The following CASKIN1 variants were observed in gnomAD, a reference collection of about 807,000 sequenced individuals.
CASKIN1 encodes caskin-1.
In CASKIN1, 42 loss-of-function variants were observed where a neutral mutation model predicts 117.5. The observed-to-expected ratio is 0.36, with a 90% CI of 0.28 to 0.46. CASKIN1 has a LOEUF of 0.46. Ranked by LOEUF, CASKIN1 falls within the 20% of genes least tolerant of loss-of-function variation. CASKIN1 has a pLI of 1.00. For synonymous variants in CASKIN1, 1,148 were observed against 961.7 expected, an observed-to-expected ratio of 1.19 and a Z score of -3.59; for missense variants, 2,083 against 2,077.3, an observed-to-expected ratio of 1.00 and a Z score of -0.05.
Position 2,179,435 on chromosome 16 carries a change from C to T in CASKIN1, c.3776-110G>A. On this transcript the variant is annotated intron_variant, in intron 18 of 19. Transcript: ENST00000343516. This position sits in a 1 kb window ranked among gnomAD's most constrained non-coding sequence, Gnocchi z 5.8. The stretch of plus-strand genomic sequence containing the variant: ...AGCGGACCGGGAAAGACCCTGCTCA[C>T]CTTGCCCCCAGCCCTGGATGGATGA... 3 of 1,363,320 alleles carry T rather than the reference C, an allele frequency of 2.2e-6. 1 individual carries two copies. Among genetic ancestry groups the T allele is most frequent in the South Asian group, 3.7e-5 (2 of 53,924 alleles). The allele number at this position is 1,363,320 out of a possible 1,614,324, so 84.5% of individuals were successfully genotyped here. A position where few individuals can be genotyped will look rare whatever the true frequency, so the allele number is the denominator to read the frequency against.
intron 6 of CASKIN1, chr16:2,188,769 TC>T: frequency 2.1e-6 from 1 of 478,948 alleles, no homozygotes; most frequent in Non-Finnish European, 3.7e-6. Flanking sequence ...AAAGTGAGGC[TC>T]AGGGAAGTTC....
intron 16 of CASKIN1, 78 bp downstream of exon 16, chr16:2,183,567 TG>T: frequency 7.0e-7 from 1 of 1,430,406 alleles, no homozygotes. Flanking sequence ...GTGGGAGTTG[TG>T]GCCAGGGAGG....
At chr16:2,178,687 G>A (rs778897601) in intron 19 of CASKIN1, 41 bp from the exon 20 acceptor site, 17 of 1,534,952 alleles carry the variant, frequency 1.1e-5, no homozygotes, top group African/African-American at 9.9e-5. Context: ...GGCGGGGCGG[G>A]TCTGGCCACG....
At chr16:2,184,125 G>A (rs547336174) in intron 14 of CASKIN1, among the ~76,000 whole-genome samples, 184 bp from the exon 15 acceptor site, 38 of 148,180 alleles carry the variant, frequency 2.6e-4, no homozygotes, top group African/African-American at 7.4e-4. Flanking sequence ...TCCCGGAGGC[G>A]CCTCCTGGAG....
At chr16:2,193,426 C>A (rs1427690322) in intron 1 of CASKIN1, among the ~76,000 whole-genome samples, 4 of 152,240 alleles carry the variant, frequency 2.6e-5, no homozygotes, top group African/African-American at 9.6e-5. Context: ...AAAGGGAGCG[C>A]AGGTGTCACT....
At chr16:2,190,791 G>A (rs941686704) in intron 1 of CASKIN1, among the ~76,000 whole-genome samples, 2 of 152,130 alleles carry the variant, frequency 1.3e-5, no homozygotes, top group East Asian at 1.9e-4. Flanking sequence ...GGGTGGCCAG[G>A]GAGGCTGGAA....
rs887263330 is a variant in CASKIN1 at position 2,182,562 on chromosome 16, C to T, written c.1630-633G>A. On this transcript the variant is annotated intron_variant, in intron 16 of 19. Coordinates refer to ENST00000343516, the MANE Select transcript of CASKIN1 (RefSeq NM_020764.4). The surrounding 1 kb of genome is among the most constrained non-coding windows in gnomAD (Gnocchi z 4.1). ...CCACCCCCAGGTGCGCGGCAAGGCC[C>T]GTGGGACCCGGACCTGACCCCTAGG... is the stretch of plus-strand genomic sequence containing the variant. Among the ~76,000 whole-genome samples, 2 of 152,194 alleles carry T rather than the reference C, an allele frequency of 1.3e-5. No individual in the cohort carries two copies. The highest frequency in any genetic ancestry group is 2.4e-5 in the African/African-American group (1 of 41,446).
At chr16:2,178,724 T>G (rs1281424294) in intron 19 of CASKIN1, 78 bp from the exon 20 acceptor site, 10 of 1,377,242 alleles carry the variant, frequency 7.3e-6, no homozygotes, top group South Asian at 1.4e-5. Context: ...CACGCCCACG[T>G]CCCGCATCTC....
chr16:2,185,737 A>G (rs2093182364), intron 10 of CASKIN1, among the ~76,000 whole-genome samples: 1 of 152,148 alleles, frequency 6.6e-6, no homozygotes, highest in African/African-American at 2.4e-5. Context: ...CAAGGCTCCC[A>G]CTCAGGAGCT....
Position 2,186,823 on chromosome 16 carries a change from A to G in CASKIN1, c.932T>C (p.Val311Ala). Reference sequence around the variant, plus strand: ...CCGGCCATCCGGATGCTGCTCGAGGACCTGGCCAGTAAGGTGGGGGGCGCT... The same window carrying G: ...CCGGCCATCCGGATGCTGCTCGAGGGCCTGGCCAGTAAGGTGGGGGGCGCT... ...LNVKAGDIIT[V>A]LEQHPDGRWK... Residue 311 changes from valine (V) to alanine (A), a missense_variant and splice_region_variant, in exon 10 of 20, where the codon GTC becomes GCC. Val to Ala is a moderately conservative substitution (Grantham distance 64, BLOSUM62 0). Transcript: ENST00000343516. The G allele has an allele frequency of 6.2e-7, 1 of 1,612,834 alleles. No homozygotes were observed. Among genetic ancestry groups the G allele is most frequent in the Non-Finnish European group, 8.5e-7 (1 of 1,179,862 alleles).
Position 2,188,243 on chromosome 16 carries a change from G to A in CASKIN1, c.618-782C>T, listed in dbSNP as rs565276899. ...TCTCTGTCACCCAGGCTGGAATGCA[G>A]TGGCACCATCCTGGCTCACTGCAGC... is the stretch of plus-strand genomic sequence containing the variant. On this transcript the variant is annotated intron_variant, in intron 6 of 19. Coordinates refer to ENST00000343516, the MANE Select transcript of CASKIN1 (RefSeq NM_020764.4). Among the ~76,000 whole-genome samples the A allele has an allele frequency of 4.6e-5, 7 of 151,812 alleles. No homozygotes were observed. In the East Asian group the frequency reaches 1.4e-3, roughly 30 times the overall value.
At chr16:2,184,047 C>G in intron 14 of CASKIN1, 106 bp from the exon 15 acceptor site, 1 of 699,124 alleles carries the variant, frequency 1.4e-6, no homozygotes, top group East Asian at 2.8e-5. Context: ...CCACTGCGTC[C>G]GCCGTCCGCT....
chr16:2,181,818 G>A lies in CASKIN1; in HGVS notation c.1741C>T (p.Leu581=), dbSNP rs2093169292. ...DFITDITWED[L]QEIGITKLGH... is the part of the protein sequence containing the mutation. ...AGCTTGGTGATGCCGATCTCCTGCA[G>A]GTCCTCCCAGGTGATGTCGGTGATG... The change falls in exon 17 of 20, where the codon CTG becomes TTG. Residue 581 remains leucine, a synonymous_variant. Coordinates refer to ENST00000343516, the MANE Select transcript of CASKIN1 (RefSeq NM_020764.4). 6 of 1,613,642 alleles carry A rather than the reference G, an allele frequency of 3.7e-6. No individual in the cohort carries two copies. The highest frequency in any genetic ancestry group is 1.3e-5 in the African/African-American group (1 of 75,030).
Position 2,177,816 on chromosome 16 carries a change from G to A in CASKIN1, c.*734C>T, listed in dbSNP as rs1456757109. ...CAAGGCACAACCTCGAGTTCTTGGG[G>A]CGCAGAGAACTTAGGAGAGAAGCAC... On this transcript the variant is annotated 3_prime_UTR_variant, in exon 20 of 20. Transcript: ENST00000343516. The A allele has an allele frequency of 1.2e-5, 3 of 245,426 alleles. No individual in the cohort carries two copies. Among genetic ancestry groups the A allele is most frequent in the African/African-American group, 4.4e-5 (2 of 45,084 alleles). The allele number at this position is 245,426 out of a possible 1,614,324, so 15.2% of individuals were successfully genotyped here. A position where few individuals can be genotyped will look rare whatever the true frequency, so the allele number is the denominator to read the frequency against.
rs566626739 is a variant in CASKIN1, at chr16:2,182,760, C to G, written c.1630-831G>C. Among the ~76,000 whole-genome samples the G allele has an allele frequency of 6.6e-6, 1 of 152,326 alleles. No individual in the cohort carries two copies. Among genetic ancestry groups the G allele is most frequent in the South Asian group, 2.1e-4 (1 of 4,830 alleles). ...GGCCTGGGCCCACCTTCTTCAGGCC[C>G]GGAACCCATCCCACTGCACAGGCAC... On this transcript the variant is annotated intron_variant, in intron 16 of 19. Coordinates refer to ENST00000343516, the MANE Select transcript of CASKIN1 (RefSeq NM_020764.4). This position sits in a 1 kb window ranked among gnomAD's most constrained non-coding sequence, Gnocchi z 4.1.
Position 2,181,114 on chromosome 16 carries a change from T to C in CASKIN1, c.2254A>G (p.Lys752Glu). 1 of 1,482,838 alleles carries C rather than the reference T, an allele frequency of 6.7e-7. No homozygotes were observed. Among genetic ancestry groups the C allele is most frequent in the Non-Finnish European group, 8.9e-7 (1 of 1,125,068 alleles). 91.9% of individuals were successfully genotyped at this position (1,482,838 alleles called of 1,614,324 possible). A position where few individuals can be genotyped will look rare whatever the true frequency, so the allele number is the denominator to read the frequency against. Residue 752 changes from lysine (K) to glutamate (E), a missense_variant, in exon 18 of 20, where the codon AAG becomes GAG. Physicochemically the swap from Lys to Glu is moderately conservative, Grantham distance 56. Coordinates refer to ENST00000343516, the MANE Select transcript of CASKIN1 (RefSeq NM_020764.4). ...ARPGRHGHSI[K>E]RASVPPVPGK... Reference sequence around the variant, plus strand: ...GGCACGGGGGGCACGCTGGCCCTCTTGATGCTGTGGCCGTGGCGGCCGGGC... The same window carrying C: ...GGCACGGGGGGCACGCTGGCCCTCTCGATGCTGTGGCCGTGGCGGCCGGGC...
intron 16 of CASKIN1, among the ~76,000 whole-genome samples, chr16:2,183,038 CG>C (rs2093172931): frequency 6.6e-6 from 1 of 152,212 alleles, no homozygotes; most frequent in Non-Finnish European, 1.5e-5. Context: ...CCACCTACCT[CG>C]GCCTCCCAAA....
At chr16:2,188,219 C>G (rs930993411) in intron 6 of CASKIN1, among the ~76,000 whole-genome samples, 8 of 151,648 alleles carry the variant, frequency 5.3e-5, no homozygotes, top group Non-Finnish European at 1.0e-4. Flanking sequence ...TGGGGTCTCT[C>G]TCTGTCACCC....
At chr16:2,178,782 C>T (rs2093154476) in intron 19 of CASKIN1, 120 bp downstream of exon 19, 2 of 1,325,422 alleles carry the variant, frequency 1.5e-6, no homozygotes, top group African/African-American at 1.6e-5. Flanking sequence ...GCCCCGCTCA[C>T]GGCACGCCCA....
Sources: gnomAD v4.1 joint callset for allele counts (sites outside exome capture counted in the v4.1 genomes callset) on GRCh38, gnomAD v4.1.1 for gene constraint, Gnocchi (gnomAD v3.1) non-coding constraint, MANE v1.5 for transcripts, NCBI Gene and HGNC (gene_info 2026-07-23, HGNC 2026-07-21) for gene names.